The following C1orf198 variants were observed in gnomAD, a reference collection of about 807,000 sequenced individuals.
C1orf198 encodes chromosome 1 open reading frame 198.
C1orf198 carries 17 observed loss-of-function variants against 31.4 expected under a neutral mutation model. That is an observed-to-expected ratio of 0.54 (90% confidence interval 0.37 to 0.81). The LOEUF (loss-of-function observed/expected upper bound fraction) is 0.81. Among genes scored for constraint, C1orf198 ranks in the 40% least tolerant of loss-of-function variants. C1orf198 has a pLI of 0.00. For synonymous variants in C1orf198, 175 were observed against 193.8 expected (o/e 0.90, Z 0.81); for missense variants, 401 against 450.3 (o/e 0.89, Z 0.99).
chr1:230,863,517 C>A (rs1670045043), intron 1 of C1orf198, among the ~76,000 whole-genome samples: 1 of 152,214 alleles, frequency 6.6e-6, no homozygotes, highest in Non-Finnish European at 1.5e-5. Context: ...GCCATGCTTC[C>A]TGCCCTCCCT....
At position 230,868,231 on chromosome 1, in the gene C1orf198, G is replaced by T; in HGVS notation, c.282C>A (p.Phe94Leu). Residue 94 changes from phenylalanine to leucine, a missense_variant, in exon 1 of 4, where the codon TTC becomes TTA. Coordinates refer to ENST00000366663, the MANE Select transcript of C1orf198 (RefSeq NM_032800.3). Reference protein sequence around the residue: ...DPGDSEELTRFPGLRGPTGQK... With the variant: ...DPGDSEELTRLPGLRGPTGQK... ...GGCCCGTGGGCCCGCGCAAGCCGGG[G>T]AAGCGCGTGAGCTCCTCCGAGTCCC... The T allele has an allele frequency of 6.5e-7, 1 of 1,548,412 alleles. No homozygotes were observed.
chr1:230,868,664 C>A, upstream of C1orf198: 1 of 504,650 alleles, frequency 2.0e-6, no homozygotes. Context: ...GCTCCCCAAG[C>A]CCCGGGACCC....
At chr1:230,858,421 A>G (rs754163059) in intron 1 of C1orf198, among the ~76,000 whole-genome samples, 4 of 152,202 alleles carry the variant, frequency 2.6e-5, no homozygotes, top group Non-Finnish European at 4.4e-5. Context: ...GGATATTTTC[A>G]CAGGTTGATT....
At position 230,855,650 on chromosome 1, in the gene C1orf198, A is replaced by C. The variant is rs202016835; in HGVS notation, c.384+18T>G. ...TCTTTTTAAAAGAACAAATAGATCT[A>C]AATTTAATCCAACTTACCTTTGTTT... On this transcript the variant is annotated intron_variant, in intron 2 of 3. Transcript: ENST00000366663. The C allele has an allele frequency of 3.0e-5, 49 of 1,610,586 alleles. No homozygotes were observed. The highest frequency in any genetic ancestry group is 5.0e-5 in the Admixed American group (3 of 59,590).
At chr1:230,856,829 G>A (rs1434214933) in intron 1 of C1orf198, among the ~76,000 whole-genome samples, 1 of 152,210 alleles carries the variant, frequency 6.6e-6, no homozygotes, top group African/African-American at 2.4e-5. Flanking sequence ...CCTTCCGTAA[G>A]TATCCCTGGA....
At chr1:230,858,879 A>G (rs1174711721) in intron 1 of C1orf198, among the ~76,000 whole-genome samples, 1 of 152,124 alleles carries the variant, frequency 6.6e-6, no homozygotes, top group Non-Finnish European at 1.5e-5. Context: ...GGGACAGTCA[A>G]CTCTCCAGTG....
At chr1:230,867,704 T>C (rs1384153659) in intron 1 of C1orf198, among the ~76,000 whole-genome samples, 1 of 152,180 alleles carries the variant, frequency 6.6e-6, no homozygotes, top group Admixed American at 6.5e-5. Flanking sequence ...GTATATATCA[T>C]TTGCTCAGTC....
intron 1 of C1orf198, among the ~76,000 whole-genome samples, chr1:230,861,129 G>T (rs1056582940): frequency 1.3e-5 from 2 of 152,202 alleles, no homozygotes; most frequent in Non-Finnish European, 2.9e-5. Context: ...GATCCCCTCT[G>T]TATGATACCA....
intron 2 of C1orf198, among the ~76,000 whole-genome samples, chr1:230,845,952 T>C (rs1669579364): frequency 1.3e-5 from 2 of 152,234 alleles, no homozygotes; most frequent in South Asian, 4.1e-4. Flanking sequence ...CATGTTGCTG[T>C]ATGGTCATGA....
chr1:230,862,258 A>T (rs1209395368), intron 1 of C1orf198, among the ~76,000 whole-genome samples: 1 of 152,196 alleles, frequency 6.6e-6, no homozygotes, highest in Non-Finnish European at 1.5e-5. Flanking sequence ...ATGTTGACCA[A>T]CTGAGGGCCT....
chr1:230,855,991 A>G (rs1572135896), intron 1 of C1orf198: 1 of 1,241,932 alleles, frequency 8.1e-7, no homozygotes, highest in Non-Finnish European at 1.0e-6. Context: ...ACTCAGACAG[A>G]TGAGATGAGT....
chr1:230,868,626 C>A, upstream of C1orf198: 1 of 873,996 alleles, frequency 1.1e-6, no homozygotes, highest in Non-Finnish European at 1.4e-6. Flanking sequence ...CCTGCACCGC[C>A]GCGTACCCGG....
intron 1 of C1orf198, among the ~76,000 whole-genome samples, chr1:230,863,778 G>A (rs1019247326): frequency 7.2e-5 from 11 of 152,134 alleles, no homozygotes; most frequent in Non-Finnish European, 1.5e-5. Context: ...ATTGAAGCAG[G>A]GCCATCTCAA....
chr1:230,854,460 G>A (rs192995882), intron 2 of C1orf198, among the ~76,000 whole-genome samples: 21 of 152,188 alleles, frequency 1.4e-4, no homozygotes, highest in South Asian at 4.1e-4. Flanking sequence ...AATTGCAGGC[G>A]GCTCCTTAAC....
chr1:230,849,333 C>T (rs533269140), intron 2 of C1orf198, among the ~76,000 whole-genome samples: 47 of 152,144 alleles, frequency 3.1e-4, no homozygotes, highest in African/African-American at 9.9e-4. Flanking sequence ...GGCCATGGGA[C>T]GCCAACTCAT....
chr1:230,868,368 T>C lies in C1orf198; in HGVS notation c.145A>G (p.Lys49Glu), dbSNP rs1057255720. The C allele has an allele frequency of 1.3e-6, 2 of 1,599,162 alleles. No individual in the cohort carries two copies. The highest frequency in any genetic ancestry group is 1.7e-6 in the Non-Finnish European group (2 of 1,173,662). The change falls in exon 1 of 4, where the codon AAG becomes GAG. Residue 49 changes from lysine (K) to glutamate (E), a missense_variant. By Grantham distance (56) the Lys-to-Glu change is moderately conservative. Coordinates refer to ENST00000366663, the MANE Select transcript of C1orf198 (RefSeq NM_032800.3). ...TCGGGCCCGTACTTCTCGCGGATCT[T>C]CTCCTTGTCCTGCATGATCTTCCTG... The part of the protein sequence containing the change: ...MARKIMQDKE[K>E]IREKYGPEWA...
upstream of C1orf198, chr1:230,869,198 C>G (rs1217209239): frequency 1.3e-5 from 2 of 152,278 alleles, no homozygotes; most frequent in African/African-American, 4.8e-5. Context: ...CAAGGAAAGT[C>G]AGCTCCCGCC....
chr1:230,861,343 C>T (rs939393260), intron 1 of C1orf198, among the ~76,000 whole-genome samples: 1 of 152,166 alleles, frequency 6.6e-6, no homozygotes, highest in Admixed American at 6.5e-5. Flanking sequence ...ACTTTCCGCT[C>T]AATTTTGCTG....
chr1:230,840,010 C>G lies in C1orf198; in HGVS notation c.928-102G>C, dbSNP rs1669401075. On this transcript the variant is annotated intron_variant, in intron 3 of 3. Coordinates refer to ENST00000366663, the MANE Select transcript of C1orf198 (RefSeq NM_032800.3). This position sits in a 1 kb window ranked among gnomAD's most constrained non-coding sequence, Gnocchi z 4.0. The stretch of plus-strand genomic sequence containing the variant: ...ATTTAAAACGACCCAGATAAAAGAG[C>G]CTACTTCTGTCTCAGAGGTTCCCTG... The G allele has an allele frequency of 5.9e-6, 6 of 1,010,300 alleles. No homozygotes were observed. Among genetic ancestry groups the G allele is most frequent in the Non-Finnish European group, 8.8e-6 (6 of 682,986 alleles). 62.6% of individuals were successfully genotyped at this position (1,010,300 alleles called of 1,614,324 possible).
Sources: gnomAD v4.1 joint callset for allele counts (sites outside exome capture counted in the v4.1 genomes callset) on GRCh38, gnomAD v4.1.1 for gene constraint, Gnocchi (gnomAD v3.1) non-coding constraint, MANE v1.5 for transcripts, NCBI Gene and HGNC (gene_info 2026-07-23, HGNC 2026-07-21) for gene names.